The following DLG2 variants were observed in gnomAD, a reference collection of about 807,000 sequenced individuals.
DLG2 encodes the protein disks large homolog 2.
In DLG2, 45 loss-of-function variants were observed where a neutral mutation model predicts 132.5. The observed-to-expected ratio is 0.34, with a 90% CI of 0.27 to 0.44. The LOEUF (loss-of-function observed/expected upper bound fraction) is 0.44. Among genes scored for constraint, DLG2 ranks in the 20% least tolerant of loss-of-function variants. DLG2 has a pLI of 1.00. For missense variants in DLG2, 1,045 were observed against 1,196.9 expected, an observed-to-expected ratio of 0.87 and a Z score of 1.87; for synonymous variants, 424 against 419.6, an observed-to-expected ratio of 1.01 and a Z score of -0.13.
intron 6 of DLG2, among the ~76,000 whole-genome samples, chr11:84,866,785 G>A (rs895710291): frequency 1.3e-5 from 2 of 152,146 alleles, no homozygotes; most frequent in African/African-American, 4.8e-5. Flanking sequence ...TGAAAAAAGT[G>A]AAGAAACTTA....
intron 6 of DLG2, among the ~76,000 whole-genome samples, chr11:84,917,056 T>C (rs2154081168): frequency 6.6e-6 from 1 of 152,372 alleles, no homozygotes; most frequent in South Asian, 2.1e-4. Context: ...CTTATCACTA[T>C]GTACTATGTA....
chr11:84,059,748 C>CT (rs1315465636), intron 10 of DLG2, among the ~76,000 whole-genome samples: 1 of 152,106 alleles, frequency 6.6e-6, no homozygotes, highest in African/African-American at 2.4e-5. Context: ...ACTGGGACTG[C>CT]TTACACATAC....
At chr11:84,193,529 A>G (rs944449093) in intron 8 of DLG2, among the ~76,000 whole-genome samples, 13 of 152,222 alleles carry the variant, frequency 8.5e-5, no homozygotes, top group Admixed American at 3.9e-4. Context: ...ACAGTGAATC[A>G]TCCACCCTAA....
chr11:83,668,148 A>G (rs1450983043), intron 18 of DLG2, among the ~76,000 whole-genome samples: 2 of 151,596 alleles, frequency 1.3e-5, no homozygotes, highest in Non-Finnish European at 2.9e-5. Context: ...GCTGATGTTC[A>G]TGGAAGCAAT....
At chr11:83,563,360 G>C (rs946448292) in intron 19 of DLG2, among the ~76,000 whole-genome samples, 1 of 152,016 alleles carries the variant, frequency 6.6e-6, no homozygotes, top group African/African-American at 2.4e-5. Context: ...AGTAGTGAAG[G>C]GTCTTGTAAA....
At chr11:84,700,715 G>C (rs2059131112) in intron 6 of DLG2, among the ~76,000 whole-genome samples, 2 of 151,714 alleles carry the variant, frequency 1.3e-5, no homozygotes, top group South Asian at 4.1e-4. Context: ...GTGTTGTCTG[G>C]ATTTCAAGCT....
At chr11:84,386,044 C>A (rs1368134895) in intron 7 of DLG2, among the ~76,000 whole-genome samples, 1 of 151,930 alleles carries the variant, frequency 6.6e-6, no homozygotes, top group Non-Finnish European at 1.5e-5. Context: ...TTTCTTTAAC[C>A]AATTTAGGGA....
At chr11:85,161,863 A>G (rs890982102) in intron 4 of DLG2, among the ~76,000 whole-genome samples, 7 of 152,172 alleles carry the variant, frequency 4.6e-5, no homozygotes, top group Non-Finnish European at 1.0e-4. Flanking sequence ...TCAGCATCCA[A>G]TGTATGCTAC....
intron 15 of DLG2, among the ~76,000 whole-genome samples, chr11:83,875,253 T>G (rs1168049986): frequency 6.6e-6 from 1 of 152,150 alleles, no homozygotes; most frequent in Non-Finnish European, 1.5e-5. Context: ...AAGACTGATT[T>G]TGTAGATAAG....
In DLG2 at chr11:85,084,007, G is replaced by A. The variant is rs577380182; in HGVS notation, c.357+27654C>T. Among the ~76,000 whole-genome samples the A allele has an allele frequency of 2.0e-5, 3 of 152,142 alleles. No homozygotes were observed. The East Asian group carries it at 5.8e-4, about 29-fold the overall frequency. Reference sequence around the variant, plus strand: ...GGGGCTTGGAGTTTTATTTTTGGTTGACAAAATAAAATGGGAAGACAAGAA... The same window carrying A: ...GGGGCTTGGAGTTTTATTTTTGGTTAACAAAATAAAATGGGAAGACAAGAA... On this transcript the variant is annotated intron_variant, in intron 6 of 27. Transcript: ENST00000376104.
intron 10 of DLG2, among the ~76,000 whole-genome samples, chr11:84,080,185 G>T (rs147506981): frequency 1.1e-4 from 16 of 152,238 alleles, no homozygotes; most frequent in African/African-American, 3.9e-4. Flanking sequence ...AATATTTATA[G>T]GGCCAATAAA....
intron 6 of DLG2, among the ~76,000 whole-genome samples, chr11:84,918,187 T>C (rs1177274530): frequency 6.6e-6 from 1 of 152,066 alleles, no homozygotes; most frequent in Non-Finnish European, 1.5e-5. Flanking sequence ...ATCAAGAAAA[T>C]AGTTTATAGT....
intron 3 of DLG2, among the ~76,000 whole-genome samples, chr11:85,308,508 C>T (rs1006128754): frequency 7.2e-5 from 11 of 152,086 alleles, no homozygotes; most frequent in Admixed American, 6.6e-4. Context: ...TGGTTGTGTT[C>T]TTCTCCCTAA....
At chr11:83,648,695 T>C (rs2069044092) in intron 18 of DLG2, among the ~76,000 whole-genome samples, 1 of 152,126 alleles carries the variant, frequency 6.6e-6, no homozygotes, top group South Asian at 2.1e-4. Flanking sequence ...ACTACTACAA[T>C]ATTGCCTACC....
At chr11:85,473,084 A>G (rs1452293838) in intron 3 of DLG2, among the ~76,000 whole-genome samples, 1 of 152,250 alleles carries the variant, frequency 6.6e-6, no homozygotes, top group African/African-American at 2.4e-5. Context: ...AGCCTCTTGC[A>G]GTACGTCTGG....
rs369844079 is a variant in DLG2, at chr11:84,217,837, G to A, written c.573+33401C>T. On this transcript the variant is annotated intron_variant, in intron 8 of 27. Transcript: ENST00000376104. ...CAGACTATGGCAGAGGTTGCTAGCT[G>A]TTCAACAAATTTTGTGCTCTCTTTT... Among the ~76,000 whole-genome samples, 3 of 152,262 alleles carry A rather than the reference G, an allele frequency of 2.0e-5. No individual in the cohort carries two copies. The East Asian group carries it at 5.8e-4, about 29-fold the overall frequency.
chr11:85,483,096 C>A (rs1396881209), intron 3 of DLG2, among the ~76,000 whole-genome samples: 1 of 152,096 alleles, frequency 6.6e-6, no homozygotes, highest in African/African-American at 2.4e-5. Flanking sequence ...CAGATACAGG[C>A]CTCCAGTCAG....
intron 4 of DLG2, among the ~76,000 whole-genome samples, chr11:85,272,836 C>T (rs1469519908): frequency 6.6e-6 from 1 of 152,074 alleles, no homozygotes; most frequent in African/African-American, 2.4e-5. Context: ...AGGCATCAAG[C>T]TACCTGACTT....
At chr11:84,952,444 A>G (rs998003174) in intron 6 of DLG2, among the ~76,000 whole-genome samples, 3 of 152,094 alleles carry the variant, frequency 2.0e-5, no homozygotes, top group African/African-American at 4.8e-5. Context: ...GTGAACCCGG[A>G]AGGCGGAGCT....
Sources: gnomAD v4.1 joint callset for allele counts (sites outside exome capture counted in the v4.1 genomes callset) on GRCh38, gnomAD v4.1.1 for gene constraint, MANE v1.5 for transcripts, NCBI Gene and HGNC (gene_info 2026-07-23, HGNC 2026-07-21) for gene names.